Variants in KLF16 observed in about 807,000 individuals in gnomAD.
KLF16 encodes Krueppel-like factor 16.
A neutral mutation model predicts 6.1 loss-of-function variants in KLF16; 6 were observed. That is an observed-to-expected ratio of 0.98 (90% CI 0.54 to 1.93). The LOEUF (loss-of-function observed/expected upper bound fraction) is 1.93. Ranked by LOEUF, KLF16 falls within the 30% of genes most tolerant of loss-of-function variation. The pLI, the probability that KLF16 is intolerant of heterozygous loss-of-function variation, is 0.01. For missense variants in KLF16, 355 were observed against 363.8 expected, an observed-to-expected ratio of 0.98 and a Z score of 0.20; for synonymous variants, 211 against 176.5, an observed-to-expected ratio of 1.20 and a Z score of -1.55.
chr19:1,860,177 G>A (rs2012036097), intron 1 of KLF16: 2 of 151,536 alleles, frequency 1.3e-5, no homozygotes, highest in Middle Eastern at 3.4e-3. Context: ...CCGACAGCCA[G>A]CCTCTCCTCC....
chr19:1,868,461 CTTTTTTTTTTTTTTTTTTTTTTTT>C (rs762308559), upstream of KLF16, among the ~76,000 whole-genome samples: 5 of 110,072 alleles, frequency 4.5e-5, no homozygotes, highest in South Asian at 6.0e-4. Context: ...CAGATTAGGG[CTTTTTTTTTTTTTTTTTTTTTTTT>C]TTTTTTTTTT....
chr19:1,872,727 G>T, the KLF16 span, among the ~76,000 whole-genome samples: 31 of 152,172 alleles, frequency 2.0e-4, no homozygotes, highest in African/African-American at 7.5e-4. Flanking sequence ...GCCGAGTGCC[G>T]AGGGAGCGCG....
chr19:1,854,837 A>G, intron 1 of KLF16, 77 bp from the exon 2 acceptor site: 1 of 1,496,026 alleles, frequency 6.7e-7, no homozygotes, highest in Non-Finnish European at 9.1e-7. Context: ...GCAGATCCCA[A>G]AGGGTGGCGG....
At chr19:1,874,326 G>A in the KLF16 span, among the ~76,000 whole-genome samples, 1 of 152,136 alleles carries the variant, frequency 6.6e-6, no homozygotes, top group Non-Finnish European at 1.5e-5. Flanking sequence ...AGAGTCTAGG[G>A]ACAGACCCAA....
Position 1,854,482 on chromosome 19 carries a change from T to A in KLF16, c.736A>T (p.Ser246Cys). Reference sequence around the variant, plus strand: ...CCCTACAGGCCTGCGGGGGCTGGGCTGGGCGCGGGGCTGGGCGCAGGGCTC... The same window carrying A: ...CCCTACAGGCCTGCGGGGGCTGGGCAGGGCGCGGGGCTGGGCGCAGGGCTC... ...AGSPAPSPAP[S>C]PAPAGL Residue 246 changes from serine (S) to cysteine (C), a missense_variant, in exon 2 of 2, where the codon AGC becomes TGC. Physicochemically the swap from Ser to Cys is moderately radical, Grantham distance 112. Transcript: ENST00000250916. The A allele has an allele frequency of 7.0e-7, 1 of 1,422,928 alleles. No homozygotes were observed. Among genetic ancestry groups the A allele is most frequent in the Non-Finnish European group, 9.1e-7 (1 of 1,101,338 alleles). The allele number at this position is 1,422,928 out of a possible 1,614,324, so 88.1% of individuals were successfully genotyped here. A position where few individuals can be genotyped will look rare whatever the true frequency, so the allele number is the denominator to read the frequency against.
At chr19:1,858,622 G>C (rs907926784) in intron 1 of KLF16, among the ~76,000 whole-genome samples, 1 of 152,154 alleles carries the variant, frequency 6.6e-6, no homozygotes, top group African/African-American at 2.4e-5. Context: ...TCCAACAAGA[G>C]CAAGGGCAGA....
chr19:1,866,158 A>G (rs1029071322), upstream of KLF16, among the ~76,000 whole-genome samples: 1 of 151,836 alleles, frequency 6.6e-6, no homozygotes, highest in Non-Finnish European at 1.5e-5. Flanking sequence ...ACAAGAAAAA[A>G]TTAGCCGGGC....
chr19:1,865,056 T>G (rs1397608698), upstream of KLF16, among the ~76,000 whole-genome samples: 4 of 152,158 alleles, frequency 2.6e-5, no homozygotes, highest in African/African-American at 4.8e-5. Flanking sequence ...CTGACCACTG[T>G]TCCCTGGGTC....
intron 1 of KLF16, among the ~76,000 whole-genome samples, chr19:1,859,115 G>A (rs1412977188): frequency 2.8e-5 from 3 of 107,852 alleles, no homozygotes; most frequent in Admixed American, 2.0e-4. Flanking sequence ...GCCCCACTCC[G>A]ACCCTCCCCA....
rs905428356 is a variant in KLF16 at position 1,858,860 on chromosome 19, G to C, written c.458-4100C>G. Among the ~76,000 whole-genome samples, 43 of 151,784 alleles carry C rather than the reference G, an allele frequency of 2.8e-4. 1 individual carries two copies. Among genetic ancestry groups the C allele is most frequent in the Non-Finnish European group, 4.4e-5 (3 of 67,896 alleles). On this transcript the variant is annotated intron_variant, in intron 1 of 1. Transcript: ENST00000250916. ...GGTCTAAGCCAGGGTGGTGCCCCCC[G>C]CCCCCACAGCTCACCCTGCTGGTAT...
chr19:1,865,921 TGA>T (rs2012181776), upstream of KLF16, among the ~76,000 whole-genome samples: 1 of 152,180 alleles, frequency 6.6e-6, no homozygotes. Context: ...GCCAGCACTT[TGA>T]GAGACCAGGG....
At chr19:1,856,096 T>C (rs1471979768) in intron 1 of KLF16, among the ~76,000 whole-genome samples, 1 of 152,104 alleles carries the variant, frequency 6.6e-6, no homozygotes, top group Non-Finnish European at 1.5e-5. Flanking sequence ...GCTCTGGCCC[T>C]GGGAGCACTC....
chr19:1,864,466 C>A (rs547043010), upstream of KLF16, among the ~76,000 whole-genome samples: 1 of 151,694 alleles, frequency 6.6e-6, no homozygotes, highest in South Asian at 2.1e-4. Flanking sequence ...GTTCGTTCCT[C>A]TTTTTGCACC....
intron 1 of KLF16, chr19:1,861,873 T>G (rs373660991): frequency 6.6e-6 from 1 of 152,200 alleles, no homozygotes; most frequent in Non-Finnish European, 1.5e-5. Flanking sequence ...GACGGCCCAC[T>G]TCCCTTCGGC....
At chr19:1,861,926 C>T (rs1229019352) in intron 1 of KLF16, 1 of 152,252 alleles carries the variant, frequency 6.6e-6, no homozygotes, top group Non-Finnish European at 1.5e-5. Flanking sequence ...GACCAAGCCT[C>T]CTTGGAGTGT....
At chr19:1,875,357 T>C in the KLF16 span, 1 of 152,244 alleles carries the variant, frequency 6.6e-6, no homozygotes, top group African/African-American at 2.4e-5. Flanking sequence ...TGGGGCGCTC[T>C]CCGAGCTACG....
chr19:1,854,286 A>C lies in KLF16; in HGVS notation c.*173T>G. ...TCACCCATCCTGAGAGCCACCTCTG[A>C]GGTCAGGCAGACCCAGGTCCAGTCT... On this transcript the variant is annotated 3_prime_UTR_variant, in exon 2 of 2. Coordinates refer to ENST00000250916, the MANE Select transcript of KLF16 (RefSeq NM_031918.4). 1 of 695,794 alleles carries C rather than the reference A, an allele frequency of 1.4e-6. No homozygotes were observed. The highest frequency in any genetic ancestry group is 3.3e-5 in the South Asian group (1 of 30,192). The allele number at this position is 695,794 out of a possible 1,614,324, so 43.1% of individuals were successfully genotyped here. A position where few individuals can be genotyped will look rare whatever the true frequency, so the allele number is the denominator to read the frequency against.
upstream of KLF16, among the ~76,000 whole-genome samples, chr19:1,866,896 G>A (rs757475340): frequency 6.6e-6 from 1 of 152,086 alleles, no homozygotes; most frequent in Non-Finnish European, 1.5e-5. Flanking sequence ...ACACTTTGGG[G>A]CATCCATAAC....
chr19:1,855,495 G>A (rs2011931339), intron 1 of KLF16, among the ~76,000 whole-genome samples: 2 of 152,140 alleles, frequency 1.3e-5, no homozygotes, highest in Non-Finnish European at 2.9e-5. Flanking sequence ...GGGACAGATG[G>A]CGCTGGGCAG....
Sources: gnomAD v4.1 joint callset for allele counts (sites outside exome capture counted in the v4.1 genomes callset) on GRCh38, gnomAD v4.1.1 for gene constraint, MANE v1.5 for transcripts, NCBI Gene and HGNC (gene_info 2026-07-23, HGNC 2026-07-21) for gene names.